The following ATP7A variants were observed in gnomAD, a reference collection of about 807,000 sequenced individuals.
ATP7A encodes the protein ATPase copper transporting alpha.
A neutral mutation model predicts 83.5 loss-of-function variants in ATP7A; 7 were observed. The ratio of observed to expected loss-of-function variants is 0.08; its 90% confidence interval spans 0.05 to 0.16. The LOEUF (loss-of-function observed/expected upper bound fraction) is 0.16. Ranked by LOEUF, ATP7A falls within the 10% of genes least tolerant of loss-of-function variation. The pLI is 1.00. For synonymous variants in ATP7A, 354 were observed against 395.2 expected, an observed-to-expected ratio of 0.90 and a Z score of 1.24; for missense variants, 940 against 1,120.8, an observed-to-expected ratio of 0.84 and a Z score of 2.30.
At chrX:77,959,084 A>G (rs1557227748) in intron 1 of ATP7A, among the ~76,000 whole-genome samples, 1 of 111,298 alleles carries the variant, frequency 9.0e-6, no homozygotes, top group Non-Finnish European at 1.9e-5. Flanking sequence ...CAACGCACCC[A>G]GCCAGTGCTT....
intron 1 of ATP7A, among the ~76,000 whole-genome samples, chrX:77,953,061 C>T (rs1000572971): frequency 8.9e-6 from 1 of 111,898 alleles, no homozygotes; most frequent in African/African-American, 3.2e-5. Context: ...GGATTACAGG[C>T]GTGAGCCACC....
intron 1 of ATP7A, among the ~76,000 whole-genome samples, chrX:77,955,557 G>T (rs1355954439): frequency 3.6e-5 from 4 of 111,429 alleles, no homozygotes; most frequent in African/African-American, 1.3e-4. Flanking sequence ...GGTACAATTT[G>T]ATGTTTTGAT....
chrX:77,961,107 T>A (rs1165882632), intron 1 of ATP7A, among the ~76,000 whole-genome samples: 1 of 111,306 alleles, frequency 9.0e-6, no homozygotes, highest in African/African-American at 3.3e-5. Context: ...AAAAAAACAA[T>A]GCAGGTGAAT....
intron 14 of ATP7A, among the ~76,000 whole-genome samples, 175 bp from the exon 15 acceptor site, chrX:78,029,075 T>C (rs2077965425): frequency 8.9e-6 from 1 of 112,263 alleles, no homozygotes; most frequent in African/African-American, 3.2e-5. Flanking sequence ...CAATTTCTTA[T>C]ATTCATAAAA....
At chrX:78,009,947 A>G (rs2077805586) in intron 7 of ATP7A, among the ~76,000 whole-genome samples, 1 of 112,744 alleles carries the variant, frequency 8.9e-6, no homozygotes, top group Non-Finnish European at 1.9e-5. Flanking sequence ...AACAAACACA[A>G]TCCTTTCTTT....
At chrX:77,921,961 G>A (rs1028504187) in intron 1 of ATP7A, among the ~76,000 whole-genome samples, 3 of 110,621 alleles carry the variant, frequency 2.7e-5, no homozygotes, top group Non-Finnish European at 5.7e-5. Context: ...TTATTTGTTA[G>A]TTTTTAAATT....
chrX:78,042,576 A>G lies in ATP7A; in HGVS notation c.3802-9A>G, dbSNP rs1557238565. 8.3e-7 allele frequency: 1 copy of G among 1,208,633 alleles called. No individual in the cohort carries two copies. Among genetic ancestry groups the G allele is most frequent in the Admixed American group, 2.2e-5 (1 of 46,073 alleles). On this transcript the variant is annotated splice_polypyrimidine_tract_variant and intron_variant, in intron 19 of 22. Coordinates refer to ENST00000341514, the MANE Select transcript of ATP7A (RefSeq NM_000052.7). ...TTTTAAATGAATTGAGTTTATTTTC[A>G]TCACATAGGTTGGCATTACTAAGGT...
intron 1 of ATP7A, among the ~76,000 whole-genome samples, chrX:77,946,590 T>C (rs2077380973): frequency 9.1e-6 from 1 of 110,410 alleles, no homozygotes; most frequent in Admixed American, 9.7e-5. Flanking sequence ...TGAAATAAAA[T>C]AACAAGGAAA....
intron 14 of ATP7A, among the ~76,000 whole-genome samples, chrX:78,028,697 A>G (rs1243800924): frequency 1.8e-5 from 2 of 112,513 alleles, no homozygotes; most frequent in Non-Finnish European, 3.7e-5. Flanking sequence ...AGGATGTCTT[A>G]GATTTCTTCT....
intron 1 of ATP7A, among the ~76,000 whole-genome samples, chrX:77,944,029 T>A: frequency 8.9e-6 from 1 of 112,371 alleles, no homozygotes; most frequent in Non-Finnish European, 1.9e-5. Context: ...CGTAGTGATT[T>A]ACACTTCATT....
At chrX:77,927,062 T>C (rs1301513234) in intron 1 of ATP7A, among the ~76,000 whole-genome samples, 1 of 111,886 alleles carries the variant, frequency 8.9e-6, no homozygotes, top group Non-Finnish European at 1.9e-5. Context: ...CAAGAGAATA[T>C]GAGCCCCATG....
intron 5 of ATP7A, 45 bp downstream of exon 5, chrX:77,998,729 G>T (rs2077720566): frequency 8.7e-7 from 1 of 1,151,816 alleles, no homozygotes; most frequent in African/African-American, 1.8e-5. Flanking sequence ...TAGTTTGGGA[G>T]CTCCATCTTT....
At chrX:77,924,983 C>T (rs782014858) in intron 1 of ATP7A, among the ~76,000 whole-genome samples, 3 of 111,863 alleles carry the variant, frequency 2.7e-5, no homozygotes, top group Non-Finnish European at 3.8e-5. Context: ...TGAGCCACTA[C>T]GCCCAGCCAG....
Position 77,998,476 on chromosome X carries a change from A to G in ATP7A, c.1337-2A>G, listed in dbSNP as rs782643934. The G allele has an allele frequency of 2.5e-6, 3 of 1,208,893 alleles. No homozygotes were observed. The highest frequency in any genetic ancestry group is 4.4e-5 in the Admixed American group (2 of 45,737). On this transcript the variant is annotated splice_acceptor_variant, in intron 4 of 22. Coordinates refer to ENST00000341514, the MANE Select transcript of ATP7A (RefSeq NM_000052.7). LOFTEE classifies it high-confidence loss of function. Reference sequence around the variant, plus strand: ...TGAAAAGAATCTTTCCCTTTCTACCAGACACGAATGAGCCGTTGGTAGTAA... The same window carrying G: ...TGAAAAGAATCTTTCCCTTTCTACCGGACACGAATGAGCCGTTGGTAGTAA...
chrX:77,973,583 A>G (rs1443477158), intron 2 of ATP7A, among the ~76,000 whole-genome samples: 1 of 112,491 alleles, frequency 8.9e-6, no homozygotes, highest in Non-Finnish European at 1.9e-5. Flanking sequence ...AGGCATTTGT[A>G]TACCTTCTTT....
chrX:77,916,371 A>G (rs1229736300), intron 1 of ATP7A, among the ~76,000 whole-genome samples: 1 of 108,333 alleles, frequency 9.2e-6, no homozygotes, highest in Non-Finnish European at 1.9e-5. Context: ...AAAAAAAAAA[A>G]GAAAAAAAAA....
At chrX:77,947,141 TAAATG>T (rs2077384653) in intron 1 of ATP7A, among the ~76,000 whole-genome samples, 1 of 112,075 alleles carries the variant, frequency 8.9e-6, no homozygotes, top group South Asian at 3.6e-4. Flanking sequence ...TGTGTTATGC[TAAATG>T]AAATAAGCCA....
At chrX:77,976,521 T>A (rs1464439510) in intron 2 of ATP7A, among the ~76,000 whole-genome samples, 1 of 112,007 alleles carries the variant, frequency 8.9e-6, no homozygotes. Context: ...CATTACTCTC[T>A]ATGAAGTCTG....
chrX:77,936,261 A>G (rs1439053809), intron 1 of ATP7A, among the ~76,000 whole-genome samples: 2 of 111,931 alleles, frequency 1.8e-5, no homozygotes, highest in African/African-American at 6.5e-5. Context: ...TTCATCATTC[A>G]TGAATCCAAA....
Sources: allele counts gnomAD v4.1 joint callset (sites outside exome capture counted in the v4.1 genomes callset), GRCh38; gene constraint gnomAD v4.1.1; transcripts MANE v1.5; gene names NCBI Gene and HGNC (gene_info 2026-07-23, HGNC 2026-07-21).